The following SAMD12 variants were observed in gnomAD, a reference collection of about 807,000 sequenced individuals.
SAMD12 encodes sterile alpha motif domain containing 12, also known as sterile alpha motif domain-containing protein 12.
Under a neutral mutation model 15.0 loss-of-function variants are expected in SAMD12, and 9 were observed. The ratio of observed to expected loss-of-function variants is 0.60; its 90% CI spans 0.36 to 1.05. SAMD12 has a LOEUF of 1.05. SAMD12 is among the 50% of genes least tolerant of loss of function. SAMD12 has a pLI of 0.01. For missense variants in SAMD12, 230 were observed against 234.2 expected (o/e 0.98, Z 0.12); for synonymous variants, 86 against 90.1 (o/e 0.96, Z 0.25).
intron 3 of SAMD12, among the ~76,000 whole-genome samples, chr8:118,397,859 C>T (rs193058833): frequency 6.6e-6 from 1 of 152,252 alleles, no homozygotes; most frequent in East Asian, 1.9e-4. Context: ...GTGGTGCAAT[C>T]ACAGCTCACT....
chr8:118,467,649 G>A (rs550843758), intron 2 of SAMD12, among the ~76,000 whole-genome samples: 1 of 152,264 alleles, frequency 6.6e-6, no homozygotes, highest in South Asian at 2.1e-4. Flanking sequence ...ATCGACTCTA[G>A]GAAAGCCTTG....
chr8:118,606,823 A>C (rs1827998344), intron 1 of SAMD12, among the ~76,000 whole-genome samples: 1 of 152,196 alleles, frequency 6.6e-6, no homozygotes, highest in African/African-American at 2.4e-5. Context: ...AATGGAGATC[A>C]TGTGTCTGTC....
chr8:118,351,932 G>GGT lies in SAMD12; in HGVS notation c.433+27626_433+27627dup, dbSNP rs374001298. 5.5e-3 allele frequency among the ~76,000 whole-genome samples: 843 copies of GGT among 152,252 alleles called. 5 individuals are homozygous for GGT. Among genetic ancestry groups the GGT allele is most frequent in the African/African-American group, 0.018 (744 of 41,544 alleles). ...TGCTGGCTCTTTGTCTTGAAGCCCT[G>GGT]GTGAAGACTCCTTCTTTATGTGTAT... is the stretch of plus-strand genomic sequence containing the variant. On this transcript the variant is annotated intron_variant, in intron 4 of 4. Coordinates refer to the SAMD12 transcript ENST00000409003.
intron 4 of SAMD12, among the ~76,000 whole-genome samples, chr8:118,365,671 A>G (rs534342293): frequency 6.6e-6 from 1 of 152,118 alleles, no homozygotes; most frequent in African/African-American, 2.4e-5. Flanking sequence ...CAGCCTCCAA[A>G]ATCATGCGAG....
intron 2 of SAMD12, among the ~76,000 whole-genome samples, chr8:118,472,882 A>T (rs1823841549): frequency 8.2e-5 from 1 of 12,202 alleles, no homozygotes; most frequent in Admixed American, 9.3e-4. Flanking sequence ...GTAGATTTTG[A>T]CAGGAAAAAA....
chr8:118,136,929 A>T, the SAMD12 span, among the ~76,000 whole-genome samples: 1 of 152,184 alleles, frequency 6.6e-6, no homozygotes, highest in Non-Finnish European at 1.5e-5. Context: ...GGCAATAGAG[A>T]TTCCTCTGTT....
chr8:118,287,497 G>A (rs1350548312), intron 4 of SAMD12, among the ~76,000 whole-genome samples: 1 of 152,168 alleles, frequency 6.6e-6, no homozygotes, highest in Admixed American at 6.5e-5. Flanking sequence ...GGCGAGTAAA[G>A]GAAAATCTTT....
At chr8:118,325,540 A>G (rs1464762721) in intron 4 of SAMD12, among the ~76,000 whole-genome samples, 1 of 152,234 alleles carries the variant, frequency 6.6e-6, no homozygotes, top group African/African-American at 2.4e-5. Flanking sequence ...CAAATTAATT[A>G]GCATATCTAT....
chr8:118,295,051 T>TA (rs1814634382), intron 4 of SAMD12, among the ~76,000 whole-genome samples: 1 of 152,074 alleles, frequency 6.6e-6, no homozygotes, highest in South Asian at 2.1e-4. Flanking sequence ...CTTTTTTTTT[T>TA]ACGTGAAAAT....
At chr8:118,595,042 C>T (rs10505340) in intron 1 of SAMD12, among the ~76,000 whole-genome samples, 15,371 of 152,062 alleles carry the variant, frequency 0.1, 868 homozygotes, top group African/African-American at 0.15. Flanking sequence ...CTTTAGATAC[C>T]GGGGCCATCA....
intron 2 of SAMD12, among the ~76,000 whole-genome samples, chr8:118,467,786 T>A (rs1043176369): frequency 6.6e-6 from 1 of 152,286 alleles, no homozygotes; most frequent in Non-Finnish European, 1.5e-5. Flanking sequence ...TGGTACCCAG[T>A]ATGTTGATGA....
chr8:118,596,446 CA>C, intron 1 of SAMD12, among the ~76,000 whole-genome samples: 1 of 152,296 alleles, frequency 6.6e-6, no homozygotes, highest in South Asian at 2.1e-4. Flanking sequence ...TCCATCCTTC[CA>C]TTCTAAAGAA....
In SAMD12 at chr8:118,307,268, G is replaced by C. The variant is rs75871391; in HGVS notation, c.433+72292C>G. On this transcript the variant is annotated intron_variant, in intron 4 of 4. Coordinates refer to the SAMD12 transcript ENST00000409003. ...AATTAGAAATGTGGACTTCTGGAATGGTGGCTCCCAAATGTTGTTGTGTGT... is the reference window on the plus strand; with the variant it reads ...AATTAGAAATGTGGACTTCTGGAATCGTGGCTCCCAAATGTTGTTGTGTGT... Among the ~76,000 whole-genome samples the C allele has an allele frequency of 3.3e-3, 506 of 152,286 alleles. 25 individuals carry two copies. The East Asian group carries it at 0.091, about 27-fold the overall frequency.
intron 4 of SAMD12, among the ~76,000 whole-genome samples, chr8:118,347,645 A>G (rs1410560558): frequency 7.7e-6 from 1 of 129,568 alleles, no homozygotes; most frequent in Admixed American, 8.9e-5. Flanking sequence ...CTATTTGACT[A>G]TAATATTTTT....
intron 1 of SAMD12, among the ~76,000 whole-genome samples, chr8:118,598,268 C>T (rs979847699): frequency 1.3e-5 from 2 of 152,146 alleles, no homozygotes; most frequent in Non-Finnish European, 2.9e-5. Context: ...CTAATGTCAC[C>T]ATATTTGGAG....
intron 2 of SAMD12, among the ~76,000 whole-genome samples, chr8:118,507,067 C>T (rs1242464785): frequency 6.6e-6 from 1 of 152,082 alleles, no homozygotes; most frequent in African/African-American, 2.4e-5. Flanking sequence ...CATAATCAGT[C>T]TAGCTACAAC....
intron 4 of SAMD12, among the ~76,000 whole-genome samples, chr8:118,360,084 T>G (rs957744824): frequency 5.3e-5 from 8 of 152,244 alleles, no homozygotes; most frequent in African/African-American, 1.9e-4. Flanking sequence ...TTGCTCCACC[T>G]GGGCAGTGGT....
intron 2 of SAMD12, among the ~76,000 whole-genome samples, chr8:118,575,342 C>G (rs986602853): frequency 2.0e-5 from 3 of 152,200 alleles, no homozygotes; most frequent in African/African-American, 7.2e-5. Context: ...ATACAGCAAT[C>G]AAGATTTGCT....
chr8:118,256,835 T>G (rs1028165294), intron 4 of SAMD12, among the ~76,000 whole-genome samples: 6 of 148,452 alleles, frequency 4.0e-5, no homozygotes, highest in Middle Eastern at 6.9e-3. Context: ...CACATTCTTT[T>G]TAGCTACGGA....
Sources: allele counts gnomAD v4.1 joint callset (sites outside exome capture counted in the v4.1 genomes callset), GRCh38; gene constraint gnomAD v4.1.1; transcripts MANE v1.5; gene names NCBI Gene and HGNC (gene_info 2026-07-23, HGNC 2026-07-21).